Variants in BTBD9 observed in about 807,000 individuals in gnomAD.
The protein encoded by BTBD9 is BTB domain containing 9.
BTBD9 carries 49 observed loss-of-function variants against 64.3 expected under a neutral mutation model. That is an observed-to-expected ratio of 0.76 (90% CI 0.61 to 0.97). BTBD9 has a LOEUF of 0.97. BTBD9 is among the 50% of genes least tolerant of loss of function. BTBD9 has a pLI of 0.00. For missense variants in BTBD9, 598 were observed against 762.1 expected (o/e 0.78, Z 2.53); for synonymous variants, 260 against 274.7 (o/e 0.95, Z 0.53).
chr6:38,442,904 G>A (rs1769102794), intron 6 of BTBD9, among the ~76,000 whole-genome samples: 1 of 151,984 alleles, frequency 6.6e-6, no homozygotes, highest in South Asian at 2.1e-4. Flanking sequence ...CCAACCTCAG[G>A]TGGTCTGCCC....
chr6:38,372,003 A>G (rs1219913414), intron 6 of BTBD9, among the ~76,000 whole-genome samples: 1 of 152,234 alleles, frequency 6.6e-6, no homozygotes, highest in Non-Finnish European at 1.5e-5. Flanking sequence ...AGTAACAACT[A>G]TAACAAATCA....
In BTBD9 at chr6:38,174,685, C is replaced by T. The variant is rs954873995; in HGVS notation, c.*300G>A. On this transcript the variant is annotated 3_prime_UTR_variant, in exon 11 of 11. Transcript: ENST00000481247. Reference sequence around the variant, plus strand: ...AACACAGGCCTGTCTATGACTTCCTCCTGTTCCCTGCGCCTGGGCTAGATT... The same window carrying T: ...AACACAGGCCTGTCTATGACTTCCTTCTGTTCCCTGCGCCTGGGCTAGATT... 3 of 412,712 alleles carry T rather than the reference C, an allele frequency of 7.3e-6. No homozygotes were observed. The highest frequency in any genetic ancestry group is 1.3e-5 in the Non-Finnish European group (3 of 230,112). The allele number at this position is 412,712 out of a possible 1,614,324, so 25.6% of individuals were successfully genotyped here. A position where few individuals can be genotyped will look rare whatever the true frequency, so the allele number is the denominator to read the frequency against.
intron 6 of BTBD9, among the ~76,000 whole-genome samples, chr6:38,418,712 A>C (rs1277432115): frequency 6.6e-6 from 1 of 152,222 alleles, no homozygotes; most frequent in African/African-American, 2.4e-5. Flanking sequence ...TTTGTGTACT[A>C]TATGTATAAC....
At chr6:38,337,444 AT>A (rs1763937415) in intron 7 of BTBD9, among the ~76,000 whole-genome samples, 1 of 152,192 alleles carries the variant, frequency 6.6e-6, no homozygotes, top group Non-Finnish European at 1.5e-5. Context: ...GGGAAACGGT[AT>A]TATTGCTATG....
intron 6 of BTBD9, among the ~76,000 whole-genome samples, chr6:38,347,395 CA>C (rs1367068963): frequency 2.0e-5 from 3 of 152,116 alleles, no homozygotes; most frequent in African/African-American, 7.2e-5. Context: ...AGCAATTCAC[CA>C]TTATATCTCA....
At chr6:38,523,480 C>T (rs1741750898) in intron 6 of BTBD9, among the ~76,000 whole-genome samples, 1 of 152,160 alleles carries the variant, frequency 6.6e-6, no homozygotes, top group African/African-American at 2.4e-5. Flanking sequence ...GCCTACTACC[C>T]TTGTGCCCTG....
At position 38,295,458 on chromosome 6, in the gene BTBD9, G is replaced by A. The variant is rs546352850; in HGVS notation, c.1265-6997C>T. Reference sequence around the variant, plus strand: ...TGGGGTTATAGGCATGAGCCACCACGCCTGGCAAACTTTTCCTTTCTTGTT... The same window carrying A: ...TGGGGTTATAGGCATGAGCCACCACACCTGGCAAACTTTTCCTTTCTTGTT... On this transcript the variant is annotated intron_variant, in intron 7 of 10. Transcript: ENST00000481247. Among the ~76,000 whole-genome samples the A allele has an allele frequency of 5.9e-5, 9 of 152,208 alleles. No homozygotes were observed. In the South Asian group the frequency reaches 1.5e-3, roughly 25 times the overall value.
chr6:38,505,132 A>G (rs1408089691), intron 6 of BTBD9, among the ~76,000 whole-genome samples: 4 of 152,124 alleles, frequency 2.6e-5, no homozygotes, highest in African/African-American at 4.8e-5. Flanking sequence ...CTTACAAGTT[A>G]TATCTCCTTT....
At chr6:38,442,283 C>T (rs1428667176) in intron 6 of BTBD9, among the ~76,000 whole-genome samples, 4 of 151,850 alleles carry the variant, frequency 2.6e-5, no homozygotes, top group African/African-American at 9.7e-5. Flanking sequence ...GTCAGGAGTT[C>T]GACACCAGCC....
At chr6:38,299,145 T>C (rs1762282912) in intron 7 of BTBD9, among the ~76,000 whole-genome samples, 1 of 152,158 alleles carries the variant, frequency 6.6e-6, no homozygotes, top group Non-Finnish European at 1.5e-5. Context: ...CTGAGAATGA[T>C]GGTTTCCAGC....
chr6:38,395,054 A>T (rs1169089418), intron 6 of BTBD9, among the ~76,000 whole-genome samples: 3 of 152,004 alleles, frequency 2.0e-5, no homozygotes, highest in Non-Finnish European at 4.4e-5. Flanking sequence ...ACCCCAATGG[A>T]CAGAATTAGG....
chr6:38,520,792 TA>T (rs879265087), intron 6 of BTBD9, among the ~76,000 whole-genome samples: 53 of 141,710 alleles, frequency 3.7e-4, no homozygotes, highest in Admixed American at 1.3e-3. Context: ...ATAAAAAATT[TA>T]AAAAAAAGCC....
At chr6:38,311,845 C>T (rs1404086769) in intron 7 of BTBD9, among the ~76,000 whole-genome samples, 2 of 151,918 alleles carry the variant, frequency 1.3e-5, no homozygotes, top group East Asian at 3.9e-4. Flanking sequence ...ATTTAGAGTA[C>T]CTGAGCACCT....
At chr6:38,416,397 T>G (rs988683895) in intron 6 of BTBD9, among the ~76,000 whole-genome samples, 1 of 150,362 alleles carries the variant, frequency 6.7e-6, no homozygotes, top group Non-Finnish European at 1.5e-5. Context: ...TGCAGTGGCG[T>G]GATCTCGGCT....
chr6:38,429,885 T>C (rs1412018662), intron 6 of BTBD9, among the ~76,000 whole-genome samples: 1 of 151,926 alleles, frequency 6.6e-6, no homozygotes, highest in East Asian at 1.9e-4. Context: ...TGAATGAAAA[T>C]TCCAAAATCA....
chr6:38,459,162 G>A (rs1009947507), intron 6 of BTBD9, among the ~76,000 whole-genome samples: 1 of 151,996 alleles, frequency 6.6e-6, no homozygotes. Flanking sequence ...GGGATTACAG[G>A]TGCGCACCAC....
intron 9 of BTBD9, among the ~76,000 whole-genome samples, chr6:38,195,558 T>A (rs2127488379): frequency 6.6e-6 from 1 of 152,234 alleles, no homozygotes; most frequent in East Asian, 1.9e-4. Flanking sequence ...AGGATTGATG[T>A]CCCAACCCCA....
chr6:38,623,255 A>G (rs1333543131), intron 1 of BTBD9, among the ~76,000 whole-genome samples: 1 of 152,138 alleles, frequency 6.6e-6, no homozygotes, highest in Non-Finnish European at 1.5e-5. Flanking sequence ...CAACATTGAC[A>G]TTGCCCCAGG....
intron 9 of BTBD9, among the ~76,000 whole-genome samples, chr6:38,253,772 C>T (rs1764481738): frequency 1.3e-5 from 2 of 152,074 alleles, no homozygotes; most frequent in Non-Finnish European, 2.9e-5. Context: ...GTTCCAGGAG[C>T]TTGGGATAAA....
Sources: allele counts gnomAD v4.1 joint callset (sites outside exome capture counted in the v4.1 genomes callset), GRCh38; gene constraint gnomAD v4.1.1; transcripts MANE v1.5; gene names NCBI Gene and HGNC (gene_info 2026-07-23, HGNC 2026-07-21).